The following NREP variants were observed in gnomAD, a reference collection of about 807,000 sequenced individuals.
NREP encodes neuronal regeneration related protein, also known as neuronal regeneration-related protein.
Under a neutral mutation model 8.6 loss-of-function variants are expected in NREP, and 5 were observed. The ratio of observed to expected loss-of-function variants is 0.58; its 90% CI spans 0.30 to 1.22. NREP has a LOEUF of 1.22. Among genes scored for constraint, NREP ranks in the 50% most tolerant of loss-of-function variants. NREP has a pLI of 0.07. For synonymous variants in NREP, 27 were observed against 28.0 expected, an observed-to-expected ratio of 0.96 and a Z score of 0.11; for missense variants, 86 against 82.5, an observed-to-expected ratio of 1.04 and a Z score of -0.17.
chr5:111,957,934 T>C (rs887204237), intron 2 of NREP, among the ~76,000 whole-genome samples: 5 of 151,778 alleles, frequency 3.3e-5, no homozygotes, highest in Non-Finnish European at 7.4e-5. Context: ...AGATTAACGA[T>C]GAACTTGATA....
At chr5:111,919,557 G>A (rs1476970172) in intron 2 of NREP, among the ~76,000 whole-genome samples, 3 of 152,046 alleles carry the variant, frequency 2.0e-5, no homozygotes, top group African/African-American at 7.2e-5. Flanking sequence ...AAAAGGATGA[G>A]TTCATATCTT....
intron 1 of NREP, among the ~76,000 whole-genome samples, chr5:111,976,470 C>T (rs1343180742): frequency 1.3e-5 from 2 of 152,214 alleles, no homozygotes; most frequent in African/African-American, 4.8e-5. Flanking sequence ...ACTCATGTGG[C>T]ACTGTATCCC....
chr5:111,909,281 A>T (rs761640970), intron 2 of NREP, among the ~76,000 whole-genome samples: 1 of 152,096 alleles, frequency 6.6e-6, no homozygotes, highest in Non-Finnish European at 1.5e-5. Context: ...ATATAAAAAG[A>T]AGTCTAAGAT....
chr5:111,851,232 A>G (rs763038981), intron 2 of NREP, among the ~76,000 whole-genome samples: 5 of 152,132 alleles, frequency 3.3e-5, no homozygotes, highest in Non-Finnish European at 7.4e-5. Flanking sequence ...TTTTTTATTC[A>G]ACAAATATTT....
intron 2 of NREP, among the ~76,000 whole-genome samples, chr5:111,963,784 A>T (rs1282807800): frequency 6.6e-6 from 1 of 152,214 alleles, no homozygotes; most frequent in Non-Finnish European, 1.5e-5. Context: ...ACAGAAACTG[A>T]GCCTTTGGTA....
Position 111,825,151 on chromosome 5 carries a change from A to G in NREP, c.136-89644T>C, listed in dbSNP as rs961734372. On this transcript the variant is annotated intron_variant, in intron 2 of 3. Transcript: ENST00000395634. ...TTATCATACATGCTCATTAATAGCA[A>G]TGTTAGATCCTTTGACATTTAATGG... Among the ~76,000 whole-genome samples the G allele has an allele frequency of 5.9e-5, 9 of 152,318 alleles. No individual in the cohort carries two copies. In the East Asian group the frequency reaches 7.7e-4, roughly 13 times the overall value.
At chr5:111,975,075 A>G (rs893259526) in intron 2 of NREP, among the ~76,000 whole-genome samples, 9 of 152,244 alleles carry the variant, frequency 5.9e-5, no homozygotes, top group African/African-American at 2.2e-4. Flanking sequence ...GATGGCAGTT[A>G]CAATGCAGAG....
At chr5:111,941,553 C>G (rs943435999) in intron 2 of NREP, among the ~76,000 whole-genome samples, 1 of 152,078 alleles carries the variant, frequency 6.6e-6, no homozygotes, top group East Asian at 1.9e-4. Context: ...CTGTAACAGG[C>G]TCTGTAAACA....
intron 2 of NREP, among the ~76,000 whole-genome samples, chr5:111,782,133 T>TA (rs1751507807): frequency 6.6e-6 from 1 of 152,218 alleles, no homozygotes; most frequent in Non-Finnish European, 1.5e-5. Context: ...AATGGCTTAA[T>TA]AAATGGTAGC....
intron 2 of NREP, among the ~76,000 whole-genome samples, chr5:111,864,478 G>A (rs1176699076): frequency 6.6e-6 from 1 of 152,098 alleles, no homozygotes; most frequent in Non-Finnish European, 1.5e-5. Context: ...GGGAAGGGCA[G>A]ATCCTTAATC....
intron 2 of NREP, among the ~76,000 whole-genome samples, chr5:111,862,821 A>G (rs1753580394): frequency 6.6e-6 from 1 of 151,630 alleles, no homozygotes; most frequent in Non-Finnish European, 1.5e-5. Context: ...AGCAGAAGAA[A>G]AAGTCAGGTG....
intron 2 of NREP, among the ~76,000 whole-genome samples, chr5:111,951,122 G>T (rs1756148437): frequency 1.3e-5 from 2 of 151,976 alleles, no homozygotes. Flanking sequence ...TAAATAAATT[G>T]TATCATGCTG....
chr5:111,903,007 C>T (rs1754683306), intron 2 of NREP, among the ~76,000 whole-genome samples: 1 of 151,028 alleles, frequency 6.6e-6, no homozygotes, highest in South Asian at 2.1e-4. Context: ...AGTGTCCTGA[C>T]TTTTATGTTG....
intron 2 of NREP, among the ~76,000 whole-genome samples, chr5:111,777,949 A>G (rs935438243): frequency 3.9e-5 from 6 of 152,176 alleles, no homozygotes; most frequent in Admixed American, 2.0e-4. Flanking sequence ...TGGGAGGTCC[A>G]GGAATTTCAT....
At position 111,733,820 on chromosome 5, in the gene NREP, C is replaced by T. The variant is rs923302179; in HGVS notation, c.81+1610G>A. Reference sequence around the variant, plus strand: ...GAAAGTCACGCCAGTTAATGTGCCTCGGGGTGGATCAGCCCTCCCGACAGA... The same window carrying T: ...GAAAGTCACGCCAGTTAATGTGCCTTGGGGTGGATCAGCCCTCCCGACAGA... On this transcript the variant is annotated intron_variant, in intron 3 of 3. Coordinates refer to ENST00000257435, the MANE Select transcript of NREP (RefSeq NM_004772.4). The T allele has an allele frequency of 5.9e-5, 9 of 152,146 alleles. No individual in the cohort carries two copies. In the East Asian group the frequency reaches 7.7e-4, roughly 13 times the overall value. The allele number at this position is 152,146 out of a possible 1,614,324, so 9.4% of individuals were successfully genotyped here. A position where few individuals can be genotyped will look rare whatever the true frequency, so the allele number is the denominator to read the frequency against.
intron 2 of NREP, among the ~76,000 whole-genome samples, chr5:111,889,254 T>C (rs1258797278): frequency 1.3e-5 from 2 of 152,184 alleles, no homozygotes; most frequent in African/African-American, 4.8e-5. Flanking sequence ...GTGTTTCACA[T>C]GTTGGAAGCA....
chr5:111,746,390 G>T lies in NREP; in HGVS notation c.3+9380C>A, dbSNP rs570138159. Among the ~76,000 whole-genome samples, 7 of 152,196 alleles carry T rather than the reference G, an allele frequency of 4.6e-5. 1 individual carries two copies. The highest frequency in any genetic ancestry group is 1.7e-4 in the African/African-American group (7 of 41,548). Reference sequence around the variant, plus strand: ...ATATGCAAGGCCAGGGCATTTCATGGTATATATTTAGACCCAAGACTCCAC... The same window carrying T: ...ATATGCAAGGCCAGGGCATTTCATGTTATATATTTAGACCCAAGACTCCAC... On this transcript the variant is annotated intron_variant, in intron 2 of 3. Transcript: ENST00000257435.
At chr5:111,820,034 CA>C (rs1752480643) in intron 2 of NREP, among the ~76,000 whole-genome samples, 1 of 152,206 alleles carries the variant, frequency 6.6e-6, no homozygotes, top group South Asian at 2.1e-4. Context: ...GCTCTCCTCT[CA>C]ACTAGATCTC....
intron 2 of NREP, among the ~76,000 whole-genome samples, chr5:111,913,535 G>C (rs539405809): frequency 7.2e-5 from 11 of 152,230 alleles, no homozygotes; most frequent in South Asian, 2.1e-4. Flanking sequence ...AGGGATGTGA[G>C]TTCATAGTTC....
Sources: allele counts gnomAD v4.1 joint callset (sites outside exome capture counted in the v4.1 genomes callset), GRCh38; gene constraint gnomAD v4.1.1; transcripts MANE v1.5; gene names NCBI Gene and HGNC (gene_info 2026-07-23, HGNC 2026-07-21).